Variants in RCOR2 observed in about 807,000 individuals in gnomAD.
RCOR2 encodes the protein REST corepressor 2.
A neutral mutation model predicts 58.9 loss-of-function variants in RCOR2; 19 were observed. That is an observed-to-expected ratio of 0.32 (90% CI 0.23 to 0.47). The LOEUF is 0.47. RCOR2 is among the 20% of genes least tolerant of loss of function. The pLI is 1.00. For synonymous variants in RCOR2, 286 were observed against 278.7 expected (o/e 1.03, Z -0.26); for missense variants, 590 against 707.9 (o/e 0.83, Z 1.89).
At chr11:63,913,056 A>G (rs1820251847) in intron 8 of RCOR2, 109 bp from the exon 9 acceptor site, 2 of 907,888 alleles carry the variant, frequency 2.2e-6, no homozygotes, top group Non-Finnish European at 3.3e-6. Flanking sequence ...TGCCCCGGCA[A>G]AGCTTTCTGC....
Position 63,911,750 on chromosome 11 carries a change from C to T in RCOR2, c.*115G>A, listed in dbSNP as rs1941760740. 1 of 1,385,122 alleles carries T rather than the reference C, an allele frequency of 7.2e-7. No homozygotes were observed. The highest frequency in any genetic ancestry group is 9.3e-7 in the Non-Finnish European group (1 of 1,077,990). The allele number at this position is 1,385,122 out of a possible 1,614,324, so 85.8% of individuals were successfully genotyped here. On this transcript the variant is annotated 3_prime_UTR_variant, in exon 12 of 12. Coordinates refer to ENST00000301459, the MANE Select transcript of RCOR2 (RefSeq NM_173587.4). ...GGGCTGGGCTGTCCGAAACTCTGGTCTTACAAAGACCCCGCCAGAGCCCTA... is the reference window on the plus strand; with the variant it reads ...GGGCTGGGCTGTCCGAAACTCTGGTTTTACAAAGACCCCGCCAGAGCCCTA...
chr11:63,919,470 G>C (rs1941901881), upstream of RCOR2, among the ~76,000 whole-genome samples: 3 of 152,244 alleles, frequency 2.0e-5, 1 homozygote, highest in South Asian at 6.2e-4. Context: ...CACCGGATCC[G>C]GGCTCCGCGG....
At chr11:63,923,296 AC>A in the RCOR2 span, among the ~76,000 whole-genome samples, 24 of 151,282 alleles carry the variant, frequency 1.6e-4, no homozygotes, top group East Asian at 4.5e-3. Context: ...TTCATCCTAA[AC>A]ACACACACAC....
chr11:63,916,449 G>A lies in RCOR2; in HGVS notation c.8C>T (p.Ser3Leu), dbSNP rs1368146608. MPSVMEKPSAGSG... is the reference protein window; with the variant it reads MPLVMEKPSAGSG... Reference sequence around the variant, plus strand: ...GCCCGCGCTCGGCTTCTCCATCACTGAGGGCATTACCCCGCCCAGCTGCCC... The same window carrying A: ...GCCCGCGCTCGGCTTCTCCATCACTAAGGGCATTACCCCGCCCAGCTGCCC... The change falls in exon 1 of 12, where the codon TCA (serine) becomes TTA (leucine). Residue 3 changes from serine to leucine, a missense_variant. By Grantham distance (145) the Ser-to-Leu change is moderately radical (BLOSUM62 -2). This residue lies in a region of RCOR2 where 390 missense variants were observed against 478.7 expected (regional missense o/e 0.81). Coordinates refer to ENST00000301459, the MANE Select transcript of RCOR2 (RefSeq NM_173587.4). 6.2e-7 allele frequency: 1 copy of A among 1,608,168 alleles called. No homozygotes were observed. The highest frequency in any genetic ancestry group is 2.2e-5 in the East Asian group (1 of 44,690).
intron 8 of RCOR2, 57 bp from the exon 9 acceptor site, chr11:63,913,004 G>A (rs1419929220): frequency 6.9e-7 from 1 of 1,444,074 alleles, no homozygotes; most frequent in Non-Finnish European, 9.6e-7. Context: ...AGGCCACTAT[G>A]CCCCTCACAG....
Position 63,915,614 on chromosome 11 carries a change from G to T in RCOR2, c.128-3C>A. ...GGTTCCAACGCGGATCATGCTGTCT[G>T]TGGAGCCAGGGGGAGGCAGTCAGGA... On this transcript the variant is annotated splice_region_variant and splice_polypyrimidine_tract_variant and intron_variant, in intron 1 of 11. Coordinates refer to ENST00000301459, the MANE Select transcript of RCOR2 (RefSeq NM_173587.4). The T allele has an allele frequency of 6.4e-7, 1 of 1,557,068 alleles. No homozygotes were observed. The highest frequency in any genetic ancestry group is 2.4e-5 in the East Asian group (1 of 42,430).
rs776203286 is a variant in RCOR2, at chr11:63,912,887, G to C, written c.952C>G (p.Pro318Ala). Residue 318 changes from proline to alanine, a missense_variant, in exon 9 of 12, where the codon CCA becomes GCA. By Grantham distance (27) the Pro-to-Ala change is conservative. Around this residue, in one of 3 missense-constraint regions of RCOR2, gnomAD observed 390 missense variants for 478.7 expected, o/e 0.81. Transcript: ENST00000301459. ...AGCCATACCTCCGGGGGGCGTAGTG[G>C]ATCAATACCGCCCTCCAGGGCTTGG... ...LRQALEGGIDPLRPPEANTKF... is the reference protein window; with the variant it reads ...LRQALEGGIDALRPPEANTKF... 5.0e-6 allele frequency: 8 copies of C among 1,613,768 alleles called. No individual in the cohort carries two copies. The South Asian group carries it at 6.6e-5, about 13-fold the overall frequency.
rs1030188372 is a variant in RCOR2, at chr11:63,916,324, G to A, written c.127+6C>T. 1 of 1,600,056 alleles carries A rather than the reference G, an allele frequency of 6.2e-7. No homozygotes were observed. The highest frequency in any genetic ancestry group is 1.1e-5 in the South Asian group (1 of 88,876). On this transcript the variant is annotated splice_donor_region_variant and intron_variant, in intron 1 of 11. Coordinates refer to ENST00000301459, the MANE Select transcript of RCOR2 (RefSeq NM_173587.4). ...CGCGCCTTTAACCCTAGGCCACCGGGCTCACCGTGCGAGTGCTCCTCCTCG... is the reference window on the plus strand; with the variant it reads ...CGCGCCTTTAACCCTAGGCCACCGGACTCACCGTGCGAGTGCTCCTCCTCG...
At chr11:63,913,003 T>A in intron 8 of RCOR2, 56 bp from the exon 9 acceptor site, 1 of 1,477,592 alleles carries the variant, frequency 6.8e-7, no homozygotes, top group South Asian at 1.2e-5. Flanking sequence ...CAGGCCACTA[T>A]GCCCCTCACA....
chr11:63,914,448 G>A lies in RCOR2; in HGVS notation c.574C>T (p.Arg192Trp), dbSNP rs763898573. Residue 192 changes from arginine (R) to tryptophan (W), a missense_variant, in exon 6 of 12, where the codon CGG becomes TGG. Arg to Trp is a moderately radical substitution (Grantham distance 101, BLOSUM62 -3). Coordinates refer to ENST00000301459, the MANE Select transcript of RCOR2 (RefSeq NM_173587.4). ...RTSVMDRQAR[R>W]LGGRKDKEDS... The stretch of plus-strand genomic sequence containing the variant: ...TCTTTGTCCTTGCGGCCCCCCAGCC[G>A]CCGGGCCTGTCTGTCCATCACACTA... The A allele has an allele frequency of 1.7e-5, 27 of 1,613,616 alleles. No individual in the cohort carries two copies. Among genetic ancestry groups the A allele is most frequent in the East Asian group, 2.2e-5 (1 of 44,882 alleles).
At position 63,913,491 on chromosome 11, in the gene RCOR2, A is replaced by ATTTTTTTTTTTT. The variant is rs775816114; in HGVS notation, c.891+462_891+463insAAAAAAAAAAAA. Among the ~76,000 whole-genome samples, 155 of 126,722 alleles carry ATTTTTTTTTTTT rather than the reference A, an allele frequency of 1.2e-3. 13 individuals carry two copies. The highest frequency in any genetic ancestry group is 9.3e-3 in the Middle Eastern group (2 of 214). 83.1% of individuals were successfully genotyped at this position (126,722 alleles called of 152,430 possible). A position where few individuals can be genotyped will look rare whatever the true frequency, so the allele number is the denominator to read the frequency against. On this transcript the variant is annotated intron_variant, in intron 8 of 11. Transcript: ENST00000301459. Reference sequence around the variant, plus strand: ...AGGTATGAGCCACCGTGCTCGGCCTATTTTTTTTTGAGACGGAATCTCACT... The same window carrying ATTTTTTTTTTTT: ...AGGTATGAGCCACCGTGCTCGGCCTATTTTTTTTTTTTTTTTTTTTTGAGACGGAATCTCACT...
intron 8 of RCOR2, among the ~76,000 whole-genome samples, chr11:63,913,725 G>A (rs1255719055): frequency 6.6e-6 from 1 of 152,128 alleles, no homozygotes. Flanking sequence ...CAGGTGATCC[G>A]CCGGCCTCAG....
chr11:63,912,280 G>C, intron 11 of RCOR2, 25 bp downstream of exon 11: 1 of 1,603,844 alleles, frequency 6.2e-7, no homozygotes, highest in Non-Finnish European at 8.5e-7. Flanking sequence ...TCCTCTCTGA[G>C]GGGTTTCTCT....
At chr11:63,913,029 A>G in intron 8 of RCOR2, 82 bp from the exon 9 acceptor site, 1 of 1,181,912 alleles carries the variant, frequency 8.5e-7, no homozygotes, top group South Asian at 1.4e-5. Flanking sequence ...CTACTTCTGC[A>G]CAGACACCAG....
chr11:63,914,508 A>G lies in RCOR2; in HGVS notation c.514T>C (p.Tyr172His). The stretch of plus-strand genomic sequence containing the variant: ...CGGGTCTTCTTCCAAGAGTAGTAGT[A>G]TTTCACCAGGCTGGGAATCAACTTG... ...PDKLIPSLVKYYYSWKKTRSR... is the reference protein window; with the variant it reads ...PDKLIPSLVKHYYSWKKTRSR... Residue 172 changes from tyrosine to histidine, a missense_variant, in exon 6 of 12, where the codon TAC becomes CAC. By Grantham distance (83) the Tyr-to-His change is moderately conservative. Coordinates refer to ENST00000301459, the MANE Select transcript of RCOR2 (RefSeq NM_173587.4). 6.2e-7 allele frequency: 1 copy of G among 1,613,720 alleles called. No individual in the cohort carries two copies. The highest frequency in any genetic ancestry group is 8.5e-7 in the Non-Finnish European group (1 of 1,180,016).
the RCOR2 span, among the ~76,000 whole-genome samples, chr11:63,924,033 C>G: frequency 1.3e-5 from 2 of 151,326 alleles, no homozygotes; most frequent in African/African-American, 4.9e-5. Flanking sequence ...CTCAGCCTCC[C>G]GAGTAGCTGG....
Position 63,912,137 on chromosome 11 carries a change from G to A in RCOR2, c.1300C>T (p.Pro434Ser), listed in dbSNP as rs761358841. Residue 434 changes from proline (P) to serine (S), a missense_variant, in exon 12 of 12, where the codon CCC becomes TCC. Pro to Ser is a moderately conservative substitution (Grantham distance 74). Transcript: ENST00000301459. The part of the protein sequence containing the change: ...SVSTSVPRSV[P>S]PAPPPPPPPT... ...GGTGGAGGGGGTGGTGGCGCAGGGGGCACTGATCGGGGCACGGACGTGGAG... is the reference window on the plus strand; with the variant it reads ...GGTGGAGGGGGTGGTGGCGCAGGGGACACTGATCGGGGCACGGACGTGGAG... 7 of 1,518,672 alleles carry A rather than the reference G, an allele frequency of 4.6e-6. No individual in the cohort carries two copies. In the South Asian group the frequency reaches 7.4e-5, roughly 16 times the overall value. The allele number at this position is 1,518,672 out of a possible 1,614,324, so 94.1% of individuals were successfully genotyped here. A position where few individuals can be genotyped will look rare whatever the true frequency, so the allele number is the denominator to read the frequency against.
chr11:63,922,968 T>G, the RCOR2 span, among the ~76,000 whole-genome samples: 7 of 152,202 alleles, frequency 4.6e-5, no homozygotes, highest in South Asian at 1.5e-3. Flanking sequence ...GTGAGTACCC[T>G]TCCTGCTCTC....
intron 7 of RCOR2, 41 bp from the exon 8 acceptor site, chr11:63,914,210 G>C: frequency 6.2e-7 from 1 of 1,613,108 alleles, no homozygotes. Context: ...TGCAGAGCCA[G>C]AGAGAGGCAA....
Sources: gnomAD v4.1 joint callset for allele counts (sites outside exome capture counted in the v4.1 genomes callset) on GRCh38, gnomAD v4.1.1 for gene constraint, gnomAD v4.1.1 regional missense constraint, MANE v1.5 for transcripts, NCBI Gene and HGNC (gene_info 2026-07-23, HGNC 2026-07-21) for gene names.